Variants in DHX35 observed in about 807,000 individuals in gnomAD.
DHX35 encodes the protein probable ATP-dependent RNA helicase DHX35.
In DHX35, 84 loss-of-function variants were observed where a neutral mutation model predicts 99.6. The observed-to-expected ratio is 0.84, with a 90% confidence interval of 0.71 to 1.01. The LOEUF (loss-of-function observed/expected upper bound fraction) is 1.01, where lower values mean the gene tolerates loss of function less well. Among genes scored for constraint, DHX35 ranks in the 50% least tolerant of loss-of-function variants. The pLI, the probability that DHX35 is intolerant of heterozygous loss-of-function variation, is 0.00. For synonymous variants in DHX35, 331 were observed against 316.2 expected (o/e 1.05, Z -0.50); for missense variants, 852 against 888.5 (o/e 0.96, Z 0.52).
intron 1 of DHX35, among the ~76,000 whole-genome samples, chr20:38,968,229 G>A (rs2085938483): frequency 6.6e-6 from 1 of 152,138 alleles, no homozygotes; most frequent in Non-Finnish European, 1.5e-5. Context: ...CCCTGGCACT[G>A]CCGGCAGCCG....
intron 5 of DHX35, 151 bp from the exon 6 acceptor site, chr20:38,991,303 A>G (rs2086333735): frequency 1.6e-6 from 1 of 611,200 alleles, no homozygotes; most frequent in Non-Finnish European, 2.7e-6. Context: ...ACATTGCTTG[A>G]TAACGAAAAT....
intron 12 of DHX35, among the ~76,000 whole-genome samples, 192 bp downstream of exon 12, chr20:39,006,548 G>C (rs2086622390): frequency 6.6e-6 from 1 of 152,088 alleles, no homozygotes; most frequent in Non-Finnish European, 1.5e-5. Flanking sequence ...AGTCCCCATT[G>C]GCCAAAGCTG....
In DHX35 at chr20:39,018,902, G is replaced by A; in HGVS notation, c.1498+3G>A. The A allele has an allele frequency of 6.2e-7, 1 of 1,613,498 alleles. No homozygotes were observed. The highest frequency in any genetic ancestry group is 8.5e-7 in the Non-Finnish European group (1 of 1,179,580). The stretch of plus-strand genomic sequence containing the variant: ...TGCCAAAATGCTGCTTGAATCAGGT[G>A]GGTAGAGCCTGATAGCTTGAATTGA... On this transcript the variant is annotated splice_donor_region_variant and intron_variant, in intron 15 of 21. Transcript: ENST00000252011.
At chr20:38,977,470 A>G (rs532201894) in intron 3 of DHX35, among the ~76,000 whole-genome samples, 1 of 152,006 alleles carries the variant, frequency 6.6e-6, no homozygotes, top group South Asian at 2.1e-4. Flanking sequence ...TTTATTTCAC[A>G]TTTATTTTAC....
chr20:38,973,319 G>A (rs1195212053), intron 3 of DHX35, among the ~76,000 whole-genome samples: 1 of 152,110 alleles, frequency 6.6e-6, no homozygotes, highest in Non-Finnish European at 1.5e-5. Context: ...ATTTTCTTGA[G>A]GTATGACATA....
At chr20:38,969,350 C>T in intron 2 of DHX35, 136 bp downstream of exon 2, 2 of 1,063,234 alleles carry the variant, frequency 1.9e-6, no homozygotes, top group South Asian at 2.9e-5. Context: ...TAAGGGATGA[C>T]TTTTCATACT....
chr20:38,973,844 A>G (rs1254636424), intron 3 of DHX35, among the ~76,000 whole-genome samples: 3 of 152,234 alleles, frequency 2.0e-5, no homozygotes, highest in Admixed American at 2.0e-4. Flanking sequence ...CTCAAAACCT[A>G]AAAATTACCA....
intron 3 of DHX35, among the ~76,000 whole-genome samples, chr20:38,973,463 G>C (rs537922669): frequency 7.2e-5 from 11 of 152,272 alleles, no homozygotes; most frequent in Admixed American, 3.9e-4. Flanking sequence ...TCTGTGTTCT[G>C]TTCTCATCTC....
chr20:38,997,026 C>T (rs1211368186), intron 8 of DHX35, among the ~76,000 whole-genome samples: 1 of 150,872 alleles, frequency 6.6e-6, no homozygotes, highest in Non-Finnish European at 1.5e-5. Flanking sequence ...CTATAATGTC[C>T]AAGTCTTTTC....
chr20:39,015,539 T>C (rs1469951762), intron 14 of DHX35, among the ~76,000 whole-genome samples: 1 of 152,242 alleles, frequency 6.6e-6, no homozygotes, highest in African/African-American at 2.4e-5. Flanking sequence ...AATCATAGTC[T>C]GAATTCACCG....
At chr20:39,008,507 T>C (rs566545979) in intron 12 of DHX35, among the ~76,000 whole-genome samples, 1 of 152,288 alleles carries the variant, frequency 6.6e-6, no homozygotes, top group East Asian at 1.9e-4. Flanking sequence ...TGGATTTGGG[T>C]GAAAAGTCAC....
chr20:38,968,291 A>G (rs2085939779), intron 1 of DHX35, among the ~76,000 whole-genome samples: 1 of 152,168 alleles, frequency 6.6e-6, no homozygotes, highest in South Asian at 2.1e-4. Flanking sequence ...AGGAACCTGC[A>G]AGACGTGCCA....
chr20:39,000,803 A>G (rs2086506489), intron 8 of DHX35, among the ~76,000 whole-genome samples: 1 of 152,124 alleles, frequency 6.6e-6, no homozygotes, highest in Non-Finnish European at 1.5e-5. Context: ...GGGAATGGAA[A>G]GGGCACCCAG....
At chr20:38,967,600 C>T (rs777747727) in intron 1 of DHX35, among the ~76,000 whole-genome samples, 1 of 152,164 alleles carries the variant, frequency 6.6e-6, no homozygotes, top group African/African-American at 2.4e-5. Flanking sequence ...TTATGTTTCT[C>T]CTGAGTTGTT....
intron 2 of DHX35, 61 bp from the exon 3 acceptor site, chr20:38,972,498 C>T (rs538979930): frequency 3.8e-5 from 39 of 1,033,950 alleles, no homozygotes; most frequent in Non-Finnish European, 4.9e-5. Context: ...GTTTAAATAT[C>T]GTTGTTTAGG....
chr20:39,034,203 C>T lies in DHX35; in HGVS notation c.1956-3C>T. 5 of 1,607,334 alleles carry T rather than the reference C, an allele frequency of 3.1e-6. No individual in the cohort carries two copies. Among genetic ancestry groups the T allele is most frequent in the Non-Finnish European group, 4.3e-6 (5 of 1,174,316 alleles). ...ATTAGCTCATGTTTCTTTCTCATTTCAGGGTCATCTATAACGAAGTTATAC... is the reference window on the plus strand; with the variant it reads ...ATTAGCTCATGTTTCTTTCTCATTTTAGGGTCATCTATAACGAAGTTATAC... On this transcript the variant is annotated splice_region_variant and splice_polypyrimidine_tract_variant and intron_variant, in intron 20 of 21. Transcript: ENST00000252011.
At chr20:38,986,951 A>G (rs1293640072) in intron 4 of DHX35, among the ~76,000 whole-genome samples, 1 of 152,216 alleles carries the variant, frequency 6.6e-6, no homozygotes, top group Non-Finnish European at 1.5e-5. Flanking sequence ...CTAGCTCAGA[A>G]GCTGAGGGCA....
At chr20:39,003,351 CA>C (rs1284788957) in intron 10 of DHX35, among the ~76,000 whole-genome samples, 3 of 152,224 alleles carry the variant, frequency 2.0e-5, no homozygotes, top group Admixed American at 1.3e-4. Context: ...TTTCCACTGC[CA>C]AACACTTTCC....
chr20:39,016,860 G>A (rs2086793338), intron 14 of DHX35, among the ~76,000 whole-genome samples: 1 of 145,214 alleles, frequency 6.9e-6, no homozygotes, highest in Non-Finnish European at 1.5e-5. Flanking sequence ...TTTTATGTGT[G>A]CTGTTGTCTT....
Sources: gnomAD v4.1 joint callset for allele counts (sites outside exome capture counted in the v4.1 genomes callset) on GRCh38, gnomAD v4.1.1 for gene constraint, MANE v1.5 for transcripts, NCBI Gene and HGNC (gene_info 2026-07-23, HGNC 2026-07-21) for gene names.